VSTM5: variants seen among roughly 807,000 people sequenced by gnomAD.
VSTM5 encodes V-set and transmembrane domain-containing protein 5.
A neutral mutation model predicts 20.3 loss-of-function variants in VSTM5; 21 were observed. That is an observed-to-expected ratio of 1.03 (90% CI 0.73 to 1.49). The LOEUF (loss-of-function observed/expected upper bound fraction) is 1.49, where lower values mean the gene tolerates loss of function less well. Among genes scored for constraint, VSTM5 ranks in the 40% most tolerant of loss-of-function variants. The pLI is 0.00. For missense variants in VSTM5, 219 were observed against 250.0 expected (o/e 0.88, Z 0.84); for synonymous variants, 100 against 102.5 (o/e 0.98, Z 0.14).
chr11:93,832,996 C>G (rs1944294617), intron 1 of VSTM5, among the ~76,000 whole-genome samples: 1 of 152,130 alleles, frequency 6.6e-6, no homozygotes, highest in Non-Finnish European at 1.5e-5. Context: ...AAGTCTAGAC[C>G]TGGGCTGTTC....
chr11:93,825,222 C>T (rs1944222577), intron 1 of VSTM5, among the ~76,000 whole-genome samples: 1 of 152,196 alleles, frequency 6.6e-6, no homozygotes, highest in Non-Finnish European at 1.5e-5. Context: ...GGCTGGAGTG[C>T]AGTGGTGCAA....
intron 1 of VSTM5, among the ~76,000 whole-genome samples, chr11:93,839,147 C>G (rs1358105430): frequency 6.6e-6 from 1 of 152,252 alleles, no homozygotes; most frequent in Non-Finnish European, 1.5e-5. Flanking sequence ...ATCAGATTCT[C>G]TGTCCCGAGA....
intron 1 of VSTM5, among the ~76,000 whole-genome samples, chr11:93,825,145 A>T (rs1452620993): frequency 6.6e-6 from 1 of 151,874 alleles, no homozygotes; most frequent in Non-Finnish European, 1.5e-5. Context: ...GCTATTCAGG[A>T]TCTTTTGTGC....
intron 1 of VSTM5, among the ~76,000 whole-genome samples, chr11:93,849,437 A>G (rs7109569): frequency 0.17 from 25,239 of 152,218 alleles, 2,507 homozygotes; most frequent in African/African-American, 0.28. Context: ...GAATACAGGC[A>G]TGAGCCCCTG....
intron 1 of VSTM5, chr11:93,827,573 A>G (rs1236681333): frequency 3.9e-5 from 6 of 152,210 alleles, no homozygotes; most frequent in African/African-American, 1.2e-4. Flanking sequence ...CAAGTGCTCT[A>G]TTCAAGGAGG....
chr11:93,826,564 A>AT (rs922979239), intron 1 of VSTM5, among the ~76,000 whole-genome samples: 12 of 151,220 alleles, frequency 7.9e-5, no homozygotes, highest in Non-Finnish European at 1.3e-4. Flanking sequence ...CACCTGGCTA[A>AT]TTTTTTTTGT....
At chr11:93,836,398 C>T (rs548269807) in intron 1 of VSTM5, among the ~76,000 whole-genome samples, 1 of 152,348 alleles carries the variant, frequency 6.6e-6, no homozygotes, top group East Asian at 1.9e-4. Flanking sequence ...GCTTGACTGG[C>T]CAGGTGTCAT....
In VSTM5 at chr11:93,850,605, C is replaced by T; in HGVS notation, c.-103G>A. The T allele has an allele frequency of 2.0e-6, 1 of 494,034 alleles. No individual in the cohort carries two copies. The highest frequency in any genetic ancestry group is 2.8e-6 in the Non-Finnish European group (1 of 360,290). 30.6% of individuals were successfully genotyped at this position (494,034 alleles called of 1,614,324 possible). On this transcript the variant is annotated 5_prime_UTR_variant, in exon 1 of 4. Transcript: ENST00000409977. Reference sequence around the variant, plus strand: ...CCTCCGCCTCTGGCTGCCGCAGGTTCTTTAGGGCCAGATGCAGATGAGCTG... The same window carrying T: ...CCTCCGCCTCTGGCTGCCGCAGGTTTTTTAGGGCCAGATGCAGATGAGCTG...
chr11:93,840,905 C>G (rs1944365231), intron 1 of VSTM5, among the ~76,000 whole-genome samples: 1 of 151,490 alleles, frequency 6.6e-6, no homozygotes, highest in Non-Finnish European at 1.5e-5. Context: ...CAAGAGAAAA[C>G]ACCAAGGTCT....
intron 1 of VSTM5, among the ~76,000 whole-genome samples, chr11:93,844,025 C>T (rs576520258): frequency 1.0e-3 from 157 of 152,314 alleles, no homozygotes; most frequent in African/African-American, 3.2e-3. Context: ...CTTCCACTCA[C>T]GTTAGATGAC....
chr11:93,833,702 C>A (rs953151968), intron 1 of VSTM5, among the ~76,000 whole-genome samples: 2 of 152,166 alleles, frequency 1.3e-5, no homozygotes, highest in African/African-American at 2.4e-5. Context: ...GATTGTTCCA[C>A]ACTCTCCTCT....
At chr11:93,834,782 C>CA (rs59156403) in intron 1 of VSTM5, among the ~76,000 whole-genome samples, 3,696 of 58,630 alleles carry the variant, frequency 0.063, 298 homozygotes, top group African/African-American at 0.19. Flanking sequence ...GACTCCGTCT[C>CA]AAAAAAAAAA....
chr11:93,823,417 AATG>A (rs1387747833), intron 1 of VSTM5, among the ~76,000 whole-genome samples: 1 of 152,172 alleles, frequency 6.6e-6, no homozygotes, highest in Non-Finnish European at 1.5e-5. Context: ...TATGTTGCGT[AATG>A]ATGATCACGA....
chr11:93,833,743 C>T (rs879620017), intron 1 of VSTM5, among the ~76,000 whole-genome samples: 8 of 151,948 alleles, frequency 5.3e-5, no homozygotes, highest in African/African-American at 1.5e-4. Flanking sequence ...GTCCCCAGTC[C>T]TTTCTCTTCA....
At chr11:93,820,906 G>A (rs1459975554) in intron 2 of VSTM5, 23 bp from the exon 3 acceptor site, 2 of 1,550,778 alleles carry the variant, frequency 1.3e-6, no homozygotes, top group Admixed American at 3.9e-5. Context: ...GGTGAGGGGA[G>A]GGGGAAGACA....
At chr11:93,840,431 G>A (rs538631792) in intron 1 of VSTM5, among the ~76,000 whole-genome samples, 1 of 152,362 alleles carries the variant, frequency 6.6e-6, no homozygotes, top group African/African-American at 2.4e-5. Context: ...GGTGTTAGCA[G>A]CTGAAGACCA....
rs1944161204 is a variant in VSTM5 at position 93,819,467 on chromosome 11, A to T, written c.*1102T>A. ...ACCTCAGAGGATTTTATCAATTTCT[A>T]ATACTCAGAATAGCGTTTTCCAGTA... On this transcript the variant is annotated 3_prime_UTR_variant, in exon 4 of 4. Coordinates refer to ENST00000409977, the MANE Select transcript of VSTM5 (RefSeq NM_001144871.2). 1 of 152,272 alleles carries T rather than the reference A, an allele frequency of 6.6e-6. No homozygotes were observed. The highest frequency in any genetic ancestry group is 2.4e-5 in the African/African-American group (1 of 41,462). The allele number at this position is 152,272 out of a possible 1,614,324, so 9.4% of individuals were successfully genotyped here. A position where few individuals can be genotyped will look rare whatever the true frequency, so the allele number is the denominator to read the frequency against.
At position 93,850,559 on chromosome 11, in the gene VSTM5, T is replaced by C. The variant is rs1175408783; in HGVS notation, c.-57A>G. 4 of 1,336,090 alleles carry C rather than the reference T, an allele frequency of 3.0e-6. No homozygotes were observed. Among genetic ancestry groups the C allele is most frequent in the Non-Finnish European group, 4.1e-6 (4 of 974,528 alleles). The allele number at this position is 1,336,090 out of a possible 1,614,324, so 82.8% of individuals were successfully genotyped here. A position where few individuals can be genotyped will look rare whatever the true frequency, so the allele number is the denominator to read the frequency against. On this transcript the variant is annotated 5_prime_UTR_variant, in exon 1 of 4. Transcript: ENST00000409977. Reference sequence around the variant, plus strand: ...TGTGCTGGCCGCACCGCGCTGCAGCTCCTATGCAGCCTTCTCTCTTCCTCC... The same window carrying C: ...TGTGCTGGCCGCACCGCGCTGCAGCCCCTATGCAGCCTTCTCTCTTCCTCC...
intron 1 of VSTM5, 90 bp downstream of exon 1, chr11:93,850,322 A>AG (rs1944448504): frequency 3.4e-6 from 4 of 1,172,972 alleles, no homozygotes; most frequent in Admixed American, 2.5e-5. Context: ...GGCGAGGGCC[A>AG]GGGGGGCCGC....
Sources: allele counts gnomAD v4.1 joint callset (sites outside exome capture counted in the v4.1 genomes callset), GRCh38; gene constraint gnomAD v4.1.1; transcripts MANE v1.5; gene names NCBI Gene and HGNC (gene_info 2026-07-23, HGNC 2026-07-21).